Variants in ALG11 observed in about 807,000 individuals in gnomAD.
The protein encoded by ALG11 is ALG11 alpha-1,2-mannosyltransferase, also known as GDP-Man:Man(3)GlcNAc(2)-PP-Dol alpha-1,2-mannosyltransferase.
ALG11 carries 26 observed loss-of-function variants against 38.8 expected under a neutral mutation model. That is an observed-to-expected ratio of 0.67 (90% CI 0.49 to 0.93). The LOEUF (loss-of-function observed/expected upper bound fraction) is 0.93, where lower values mean the gene tolerates loss of function less well. Among genes scored for constraint, ALG11 ranks in the 40% least tolerant of loss-of-function variants. The pLI is 0.00. For missense variants in ALG11, 535 were observed against 578.8 expected (o/e 0.92, Z 0.78); for synonymous variants, 199 against 211.6 (o/e 0.94, Z 0.52).
At chr13:52,021,596 T>G (rs1954184287) in intron 2 of ALG11, 1 of 152,246 alleles carries the variant, frequency 6.6e-6, no homozygotes, top group African/African-American at 2.4e-5. Flanking sequence ...GGAAATTAGT[T>G]TAGATTTTAT....
chr13:52,025,046 G>A (rs755859962), intron 3 of ALG11, 109 bp downstream of exon 3: 15 of 1,245,080 alleles, frequency 1.2e-5, no homozygotes, highest in Non-Finnish European at 1.7e-5. Flanking sequence ...TAATTCTCTT[G>A]CCCTCATCCA....
intron 2 of ALG11, chr13:52,020,473 T>G (rs1051890311): frequency 6.6e-6 from 1 of 152,218 alleles, no homozygotes; most frequent in African/African-American, 2.4e-5. Context: ...CCCCTGTATT[T>G]GCTCTGCCAT....
rs2140848065 is a variant in ALG11, at chr13:52,028,813, G to A, written c.*223G>A. 6.2e-7 allele frequency: 1 copy of A among 1,614,246 alleles called. No individual in the cohort carries two copies. Among genetic ancestry groups the A allele is most frequent in the East Asian group, 2.2e-5 (1 of 44,882 alleles). On this transcript the variant is annotated 3_prime_UTR_variant, in exon 4 of 4. Coordinates refer to ENST00000521508, the MANE Select transcript of ALG11 (RefSeq NM_001004127.3). ...AGAGGCTGGCTGCTGAGATGAATGT[G>A]AACCAGGTTGCAGAGAATCTGGCTT...
At chr13:52,026,524 T>A (rs1954242093) in intron 3 of ALG11, among the ~76,000 whole-genome samples, 2 of 152,174 alleles carry the variant, frequency 1.3e-5, no homozygotes, top group South Asian at 4.1e-4. Context: ...ATGGAGGTGC[T>A]CATGAGCTGA....
rs200420699 is a variant in ALG11 at position 52,029,658 on chromosome 13, T to C, written c.*1068T>C. On this transcript the variant is annotated 3_prime_UTR_variant, in exon 4 of 4. Coordinates refer to ENST00000521508, the MANE Select transcript of ALG11 (RefSeq NM_001004127.3). ...GTGGCACTGGAAGAAATGGAAAAAA[T>C]TGAAAATGCCAGAATGATGGAAAGA... 35 of 1,613,814 alleles carry C rather than the reference T, an allele frequency of 2.2e-5. No homozygotes were observed. The highest frequency in any genetic ancestry group is 2.2e-5 in the East Asian group (1 of 44,886).
chr13:52,023,960 A>G (rs373209186), intron 2 of ALG11, 46 bp from the exon 3 acceptor site: 1 of 1,590,100 alleles, frequency 6.3e-7, no homozygotes, highest in Admixed American at 1.7e-5. Context: ...GTGTCTGGCT[A>G]ATTTTTGTAA....
chr13:52,012,447 T>G lies in ALG11; in HGVS notation c.29T>G (p.Leu10Arg), dbSNP rs1329506561. 3 of 1,614,084 alleles carry G rather than the reference T, an allele frequency of 1.9e-6. No individual in the cohort carries two copies. Among genetic ancestry groups the G allele is most frequent in the African/African-American group, 2.7e-5 (2 of 75,050 alleles). MAAGERSWC[L>R]CKLLRFFYSL... Reference sequence around the variant, plus strand: ...GCGGCCGGCGAAAGGAGCTGGTGCCTGTGCAAGTTGTTGAGGTGAGCAGCC... The same window carrying G: ...GCGGCCGGCGAAAGGAGCTGGTGCCGGTGCAAGTTGTTGAGGTGAGCAGCC... The change falls in exon 1 of 4, where the codon CTG (leucine) becomes CGG (arginine). Residue 10 changes from leucine to arginine, a missense_variant. By Grantham distance (102) the Leu-to-Arg change is moderately radical. Coordinates refer to ENST00000521508, the MANE Select transcript of ALG11 (RefSeq NM_001004127.3).
In ALG11 at chr13:52,024,735, T is replaced by C. The variant is rs1168786482; in HGVS notation, c.1005T>C (p.Pro335=). The C allele has an allele frequency of 6.2e-7, 1 of 1,614,248 alleles. No individual in the cohort carries two copies. The highest frequency in any genetic ancestry group is 1.1e-5 in the South Asian group (1 of 91,086). Reference sequence around the variant, plus strand: ...ATAAGAAGATGGTTGAGTCACCTCCTTCGCTTAAACTTGTCCTCATTGGAG... The same window carrying C: ...ATAAGAAGATGGTTGAGTCACCTCCCTCGCTTAAACTTGTCCTCATTGGAG... ...LLNKKMVESP[P]SLKLVLIGGC... is the part of the protein sequence containing the mutation. The change falls in exon 3 of 4, where the codon CCT becomes CCC. Residue 335 remains proline (P), a synonymous_variant. Coordinates refer to ENST00000521508, the MANE Select transcript of ALG11 (RefSeq NM_001004127.3).
At chr13:52,022,967 A>G (rs1026992159) in intron 2 of ALG11, 1 of 152,228 alleles carries the variant, frequency 6.6e-6, no homozygotes, top group Middle Eastern at 3.2e-3. Context: ...CCAGCCAATA[A>G]ATGTTTTATG....
rs1245383004 is a variant in ALG11, at chr13:52,033,372, ATAT to A, written c.*4787_*4789del. 1 of 167,062 alleles carries A rather than the reference ATAT, an allele frequency of 6.0e-6. No individual in the cohort carries two copies. Among genetic ancestry groups the A allele is most frequent in the Non-Finnish European group, 1.5e-5 (1 of 68,124 alleles). The allele number at this position is 167,062 out of a possible 1,614,324, so 10.3% of individuals were successfully genotyped here. On this transcript the variant is annotated 3_prime_UTR_variant, in exon 4 of 4. Coordinates refer to ENST00000521508, the MANE Select transcript of ALG11 (RefSeq NM_001004127.3). ...GGTTTTGTGTAATAATTATTTGTAA[ATAT>A]TATTTAGATTTGTATTTAGACATGA...
intron 2 of ALG11, chr13:52,022,814 T>C: frequency 6.6e-6 from 1 of 151,404 alleles, no homozygotes; most frequent in Non-Finnish European, 1.5e-5. Flanking sequence ...TTCTCCTGCC[T>C]CAGCCTCCCA....
chr13:52,029,161 T>A lies in ALG11; in HGVS notation c.*571T>A. On this transcript the variant is annotated 3_prime_UTR_variant, in exon 4 of 4. Transcript: ENST00000521508. ...CAAAGAAGGTGGTGGAGTTACCTCT[T>A]AACAAAGAAAAAATTGAACAGATCC... 1 of 1,614,116 alleles carries A rather than the reference T, an allele frequency of 6.2e-7. No homozygotes were observed.
chr13:52,024,944 T>C lies in ALG11; in HGVS notation c.1207+7T>C, dbSNP rs1954225963. ...AACGAGCATTTTGGGATTGGTGAGT[T>C]TGGCCTTTAAACAACTTGTTTGGTG... On this transcript the variant is annotated splice_region_variant and intron_variant, in intron 3 of 3. Coordinates refer to ENST00000521508, the MANE Select transcript of ALG11 (RefSeq NM_001004127.3). The C allele has an allele frequency of 3.7e-6, 6 of 1,606,138 alleles. No homozygotes were observed. The African/African-American group carries it at 8.0e-5, about 21-fold the overall frequency.
intron 1 of ALG11, among the ~76,000 whole-genome samples, 183 bp downstream of exon 1, chr13:52,012,645 GTCTTAAAGACTC>G (rs1954083986): frequency 2.6e-5 from 4 of 152,126 alleles, no homozygotes; most frequent in African/African-American, 9.7e-5. Context: ...AATAGACTAG[GTCTTAAAGACTC>G]AATTTACCGC....
intron 3 of ALG11, 96 bp downstream of exon 3, chr13:52,025,033 C>T: frequency 7.4e-7 from 1 of 1,353,512 alleles, no homozygotes; most frequent in Non-Finnish European, 1.0e-6. Flanking sequence ...CTGCATCATG[C>T]CCTAATTCTC....
chr13:52,023,466 T>C (rs1954203362), intron 2 of ALG11: 1 of 151,818 alleles, frequency 6.6e-6, no homozygotes. Context: ...GGCGTGGTGG[T>C]GCATGTCTGT....
rs1264437608 is a variant in ALG11, at chr13:52,032,769, C to T, written c.*4179C>T. On this transcript the variant is annotated 3_prime_UTR_variant, in exon 4 of 4. Transcript: ENST00000521508. ...GGTAGAAATTGGAGTGAAAGGAACC[C>T]TACAGATTAGCCCAGTTCTCTCTTA... 1.2e-5 allele frequency: 2 copies of T among 167,056 alleles called. No individual in the cohort carries two copies. The highest frequency in any genetic ancestry group is 4.8e-5 in the African/African-American group (2 of 41,452). 10.3% of individuals were successfully genotyped at this position (167,056 alleles called of 1,614,324 possible).
At position 52,028,514 on chromosome 13, in the gene ALG11, G is replaced by T. The variant is rs1204420316; in HGVS notation, c.1403G>T (p.Arg468Leu). The T allele has an allele frequency of 6.2e-7, 1 of 1,613,996 alleles. No individual in the cohort carries two copies. Among genetic ancestry groups the T allele is most frequent in the African/African-American group, 1.3e-5 (1 of 74,918 alleles). The stretch of plus-strand genomic sequence containing the variant: ...AGACTCCAAATCAGAAAAAGTGCTC[G>T]TGCATCTGTAAGCAGATTCTCTGAT... Reference protein sequence around the residue: ...EKRLQIRKSARASVSRFSDQE... With the variant: ...EKRLQIRKSALASVSRFSDQE... The change falls in exon 4 of 4, where the codon CGT (arginine) becomes CTT (leucine). Residue 468 changes from arginine to leucine, a missense_variant. Transcript: ENST00000521508.
intron 1 of ALG11, among the ~76,000 whole-genome samples, chr13:52,014,337 T>A (rs1270353468): frequency 6.6e-6 from 1 of 152,192 alleles, no homozygotes; most frequent in Non-Finnish European, 1.5e-5. Context: ...AGTTTTTTAA[T>A]AAAAATATGT....
Sources: allele counts gnomAD v4.1 joint callset (sites outside exome capture counted in the v4.1 genomes callset), GRCh38; gene constraint gnomAD v4.1.1; transcripts MANE v1.5; gene names NCBI Gene and HGNC (gene_info 2026-07-23, HGNC 2026-07-21).